The following TNR variants were observed in gnomAD, a reference collection of about 807,000 sequenced individuals.
The protein encoded by TNR is tenascin-R.
Under a neutral mutation model 150.4 loss-of-function variants are expected in TNR, and 45 were observed. The observed-to-expected ratio is 0.30, with a 90% CI of 0.24 to 0.38. TNR has a LOEUF of 0.38. TNR is among the 10% of genes least tolerant of loss of function. The pLI, the probability that TNR is intolerant of heterozygous loss-of-function variation, is 1.00. For synonymous variants in TNR, 687 were observed against 678.4 expected (o/e 1.01, Z -0.20); for missense variants, 1,544 against 1,759.1 (o/e 0.88, Z 2.19).
chr1:175,377,897 C>G (rs1652486059), intron 9 of TNR, among the ~76,000 whole-genome samples: 1 of 152,162 alleles, frequency 6.6e-6, no homozygotes, highest in African/African-American at 2.4e-5. Context: ...AAACCACACC[C>G]CCATTTCCAG....
At chr1:175,337,395 C>T (rs914918031) in intron 19 of TNR, 133 bp downstream of exon 19, 1 of 1,043,246 alleles carries the variant, frequency 9.6e-7, no homozygotes, top group Admixed American at 2.0e-5. Context: ...CAATGAGGAG[C>T]CCCAAGATGG....
At chr1:175,440,377 G>A (rs1306984306) in intron 2 of TNR, among the ~76,000 whole-genome samples, 1 of 150,718 alleles carries the variant, frequency 6.6e-6, no homozygotes, top group Non-Finnish European at 1.5e-5. Context: ...GACTGTTGTG[G>A]GGTGGCGGGT....
intron 2 of TNR, among the ~76,000 whole-genome samples, chr1:175,455,510 A>G (rs1656533171): frequency 1.3e-5 from 2 of 152,248 alleles, no homozygotes. Context: ...TAATAAGTAA[A>G]TACAATGTGT....
chr1:175,401,822 G>T (rs927139312), intron 4 of TNR, among the ~76,000 whole-genome samples: 13 of 152,202 alleles, frequency 8.5e-5, no homozygotes, highest in African/African-American at 2.9e-4. Flanking sequence ...CCATTAGAAG[G>T]TTTAAAATGT....
rs1227622426 is a variant in TNR at position 175,359,722 on chromosome 1, T to C, written c.2864A>G (p.Asn955Ser). Reference protein sequence around the residue: ...ICTLVHTAMDNPVDLIATNIT... With the variant: ...ICTLVHTAMDSPVDLIATNIT... ...ATTGGTAGCAATCAGATCCACAGGG[T>C]TGTCCATGGCTGAAACAGAATAGAT... The change falls in exon 15 of 23, where the codon AAC becomes AGC. Residue 955 changes from asparagine to serine, a missense_variant. Asn to Ser is a conservative substitution (Grantham distance 46). This residue lies in a region of TNR where 1,254 missense variants were observed against 1,329.4 expected (regional missense o/e 0.94). Coordinates refer to ENST00000367674, the MANE Select transcript of TNR (RefSeq NM_003285.3). The C allele has an allele frequency of 2.5e-6, 4 of 1,611,766 alleles. No individual in the cohort carries two copies. Among genetic ancestry groups the C allele is most frequent in the African/African-American group, 1.3e-5 (1 of 74,856 alleles).
At chr1:175,421,396 C>T (rs539643807) in intron 2 of TNR, among the ~76,000 whole-genome samples, 3 of 152,296 alleles carry the variant, frequency 2.0e-5, no homozygotes, top group Admixed American at 2.0e-4. Flanking sequence ...ATTATAAAAG[C>T]ATTCCCCTGC....
At chr1:175,507,061 G>T (rs12081663) in intron 2 of TNR, among the ~76,000 whole-genome samples, 37,716 of 152,126 alleles carry the variant, frequency 0.25, 4,793 homozygotes, top group African/African-American at 0.3. Context: ...TGGGCTGTAT[G>T]TAAAGTCTTC....
chr1:175,710,958 C>T (rs950448231), intron 1 of TNR, among the ~76,000 whole-genome samples: 1 of 152,056 alleles, frequency 6.6e-6, no homozygotes, highest in Non-Finnish European at 1.5e-5. Flanking sequence ...GTTCTGTGCT[C>T]CCCATCAAAG....
At chr1:175,513,748 G>A (rs1323296598) in intron 2 of TNR, among the ~76,000 whole-genome samples, 1 of 152,160 alleles carries the variant, frequency 6.6e-6, no homozygotes, top group African/African-American at 2.4e-5. Context: ...CTTATTACGT[G>A]TTTCCAGATA....
intron 1 of TNR, among the ~76,000 whole-genome samples, chr1:175,681,020 G>A (rs961922254): frequency 6.6e-6 from 1 of 152,156 alleles, no homozygotes; most frequent in African/African-American, 2.4e-5. Context: ...TTGTATGAAA[G>A]CACCTAGAGC....
chr1:175,497,047 GC>G (rs1412144528), intron 2 of TNR, among the ~76,000 whole-genome samples: 1 of 152,172 alleles, frequency 6.6e-6, no homozygotes, highest in Non-Finnish European at 1.5e-5. Context: ...TCATCCTGAG[GC>G]TAAAAAGCTC....
At chr1:175,501,505 T>C (rs1362335753) in intron 2 of TNR, among the ~76,000 whole-genome samples, 3 of 152,222 alleles carry the variant, frequency 2.0e-5, no homozygotes, top group Non-Finnish European at 4.4e-5. Flanking sequence ...TGCAGCCTTG[T>C]GAGGCCTGGG....
intron 4 of TNR, among the ~76,000 whole-genome samples, chr1:175,401,874 T>C (rs1260147783): frequency 6.6e-6 from 1 of 152,198 alleles, no homozygotes; most frequent in Non-Finnish European, 1.5e-5. Flanking sequence ...CCCAGTGGGC[T>C]CTCTGAGCCC....
At chr1:175,639,722 G>A (rs112707669) in intron 1 of TNR, among the ~76,000 whole-genome samples, 2,777 of 152,204 alleles carry the variant, frequency 0.018, 107 homozygotes, top group African/African-American at 0.064. Flanking sequence ...CCTCACCAAG[G>A]ACTTCTAGCT....
In TNR at chr1:175,396,758, A is replaced by G; in HGVS notation, c.1026T>C (p.Ile342=). Residue 342 remains isoleucine, a synonymous_variant, in exon 5 of 23, where the codon ATT becomes ATC. Transcript: ENST00000367674. ...CCATCGGCCCGTCCCATTCCAGCTC[A>G]ATGGACCTGTCGCTGATACCAGCCA... ...LRVAGISDRS[I]ELEWDGPMAV... The G allele has an allele frequency of 6.2e-7, 1 of 1,614,120 alleles. No individual in the cohort carries two copies. The highest frequency in any genetic ancestry group is 8.5e-7 in the Non-Finnish European group (1 of 1,179,988).
In TNR at chr1:175,659,350, C is replaced by G. The variant is rs1280293395; in HGVS notation, c.-165+83876G>C. 2.0e-5 allele frequency among the ~76,000 whole-genome samples: 3 copies of G among 152,310 alleles called. No individual in the cohort carries two copies. In the South Asian group the frequency reaches 6.2e-4, roughly 32 times the overall value. On this transcript the variant is annotated intron_variant, in intron 1 of 22. Transcript: ENST00000367674. Reference sequence around the variant, plus strand: ...ATAAAAGCAAAGAGGAAGGTCTCTGCCAAGGATGAACATATCCCTGGAGCA... The same window carrying G: ...ATAAAAGCAAAGAGGAAGGTCTCTGGCAAGGATGAACATATCCCTGGAGCA...
At chr1:175,368,679 G>A (rs886717370) in intron 9 of TNR, among the ~76,000 whole-genome samples, 49 of 152,358 alleles carry the variant, frequency 3.2e-4, no homozygotes, top group African/African-American at 1.1e-3. Context: ...GCAGGGCACG[G>A]TGGCTCATGC....
At chr1:175,573,235 T>A (rs1661958767) in intron 1 of TNR, among the ~76,000 whole-genome samples, 2 of 152,096 alleles carry the variant, frequency 1.3e-5, no homozygotes, top group Admixed American at 1.3e-4. Context: ...AGAAATAAAT[T>A]TATGTCACCT....
At chr1:175,440,117 A>T (rs1655714311) in intron 2 of TNR, among the ~76,000 whole-genome samples, 1 of 152,214 alleles carries the variant, frequency 6.6e-6, no homozygotes, top group South Asian at 2.1e-4. Flanking sequence ...AAAGACTTGG[A>T]ACCAACCCAA....
Sources: gnomAD v4.1 joint callset for allele counts (sites outside exome capture counted in the v4.1 genomes callset) on GRCh38, gnomAD v4.1.1 for gene constraint, gnomAD v4.1.1 regional missense constraint, MANE v1.5 for transcripts, NCBI Gene and HGNC (gene_info 2026-07-23, HGNC 2026-07-21) for gene names.